The following SND1 variants were observed in gnomAD, a reference collection of about 807,000 sequenced individuals.
SND1 encodes staphylococcal nuclease and tudor domain containing 1, also known as staphylococcal nuclease domain-containing protein 1.
SND1 carries 38 observed loss-of-function variants against 121.7 expected under a neutral mutation model. The ratio of observed to expected loss-of-function variants is 0.31; its 90% confidence interval spans 0.24 to 0.41. The LOEUF is 0.41. SND1 is among the 10% of genes least tolerant of loss of function. The pLI, the probability that SND1 is intolerant of heterozygous loss-of-function variation, is 1.00. For missense variants in SND1, 868 were observed against 1,184.6 expected (o/e 0.73, Z 3.92); for synonymous variants, 401 against 447.4 (o/e 0.90, Z 1.31).
chr7:127,849,543 CTG>C (rs1799127789), intron 12 of SND1, among the ~76,000 whole-genome samples: 1 of 152,186 alleles, frequency 6.6e-6, no homozygotes, highest in Non-Finnish European at 1.5e-5. Flanking sequence ...CCATGGAAAA[CTG>C]TCACATATAC....
chr7:127,807,817 C>T (rs1221021493), intron 11 of SND1, among the ~76,000 whole-genome samples: 1 of 152,166 alleles, frequency 6.6e-6, no homozygotes, highest in Non-Finnish European at 1.5e-5. Context: ...GGTCCGGGCT[C>T]AACTCCAGTT....
intron 1 of SND1, among the ~76,000 whole-genome samples, chr7:127,680,086 T>C (rs1795690302): frequency 6.6e-6 from 1 of 152,154 alleles, no homozygotes; most frequent in African/African-American, 2.4e-5. Context: ...AGACGTCACA[T>C]GTCGGTAGGT....
chr7:127,657,248 A>C (rs1795227753), intron 1 of SND1, among the ~76,000 whole-genome samples: 1 of 152,214 alleles, frequency 6.6e-6, no homozygotes, highest in African/African-American at 2.4e-5. Flanking sequence ...GACAATAAAG[A>C]AGTTAACAAG....
At chr7:127,805,125 A>G (rs1798210906) in intron 10 of SND1, among the ~76,000 whole-genome samples, 1 of 152,174 alleles carries the variant, frequency 6.6e-6, no homozygotes, top group Non-Finnish European at 1.5e-5. Context: ...ATCTATTTTT[A>G]TAAAATATCC....
intron 17 of SND1, among the ~76,000 whole-genome samples, chr7:128,079,145 T>C (rs990709456): frequency 2.2e-4 from 34 of 152,220 alleles, no homozygotes; most frequent in Admixed American, 6.5e-4. Context: ...TAGGAGTGAC[T>C]GGCTAAGTAG....
intron 16 of SND1, among the ~76,000 whole-genome samples, chr7:128,004,500 G>T (rs1391883481): frequency 1.3e-5 from 2 of 152,162 alleles, no homozygotes; most frequent in Non-Finnish European, 2.9e-5. Context: ...TTCCCCATTG[G>T]ACTAAACTTT....
intron 15 of SND1, among the ~76,000 whole-genome samples, chr7:127,957,229 C>A (rs1801614682): frequency 1.3e-5 from 2 of 152,182 alleles, no homozygotes; most frequent in Admixed American, 6.5e-5. Context: ...AACAAAATGA[C>A]AGTGTTAGCA....
intron 6 of SND1, 69 bp downstream of exon 6, chr7:127,702,595 T>G: frequency 7.8e-7 from 1 of 1,278,538 alleles, no homozygotes; most frequent in East Asian, 2.3e-5. Context: ...ATTCTTCTAC[T>G]TGGGGACTTC....
chr7:128,023,369 A>G (rs1331662976), intron 16 of SND1, among the ~76,000 whole-genome samples: 3 of 152,194 alleles, frequency 2.0e-5, no homozygotes, highest in South Asian at 2.1e-4. Flanking sequence ...TAATAAGGCT[A>G]TGACTGCTCT....
chr7:128,028,783 C>G, intron 16 of SND1: 2 of 1,614,098 alleles, frequency 1.2e-6, no homozygotes, highest in Non-Finnish European at 1.7e-6. Context: ...AGGCTGTTTT[C>G]TGTCCAGTGG....
At chr7:128,068,157 C>A (rs972823346) in intron 16 of SND1, among the ~76,000 whole-genome samples, 3 of 152,102 alleles carry the variant, frequency 2.0e-5, no homozygotes, top group Admixed American at 6.6e-5. Context: ...GCTAAATCAA[C>A]CCCCAGGGCA....
chr7:127,706,851 T>A (rs984223147), intron 8 of SND1, among the ~76,000 whole-genome samples: 4 of 152,206 alleles, frequency 2.6e-5, no homozygotes, highest in African/African-American at 4.8e-5. Context: ...TTTTAGTGCT[T>A]CTCTAAAACA....
At chr7:127,766,703 C>T (rs952435596) in intron 10 of SND1, among the ~76,000 whole-genome samples, 2 of 120,928 alleles carry the variant, frequency 1.7e-5, no homozygotes, top group South Asian at 2.8e-4. Flanking sequence ...ACCCAGGAGG[C>T]GGAGCTTGCA....
At chr7:127,899,372 G>C (rs993639303) in intron 13 of SND1, among the ~76,000 whole-genome samples, 1 of 152,012 alleles carries the variant, frequency 6.6e-6, no homozygotes, top group African/African-American at 2.4e-5. Flanking sequence ...ACTATTTTAC[G>C]ATTGTAGTGA....
At chr7:127,955,671 C>T (rs777212197) in intron 15 of SND1, among the ~76,000 whole-genome samples, 34 of 152,124 alleles carry the variant, frequency 2.2e-4, no homozygotes, top group Non-Finnish European at 4.7e-4. Flanking sequence ...ATCAGCAATC[C>T]TTGGGGTCTA....
chr7:127,875,778 A>G lies in SND1; in HGVS notation c.1344-12124A>G, dbSNP rs1213112041. ...CCTGTAGATGTTCATTATGTCTGAA[A>G]TATTCTTTTGAGTAAAAATGGATGA... On this transcript the variant is annotated intron_variant, in intron 12 of 23. Transcript: ENST00000354725. Among the ~76,000 whole-genome samples the G allele has an allele frequency of 3.3e-5, 5 of 152,146 alleles. No homozygotes were observed. In the South Asian group the frequency reaches 6.2e-4, roughly 19 times the overall value.
At chr7:127,917,064 A>G (rs377447027) in intron 14 of SND1, among the ~76,000 whole-genome samples, 15 of 152,360 alleles carry the variant, frequency 9.8e-5, no homozygotes, top group African/African-American at 3.6e-4. Context: ...AACTTATGTT[A>G]TCTTCACCAA....
intron 10 of SND1, among the ~76,000 whole-genome samples, chr7:127,790,193 C>T (rs148096443): frequency 3.3e-5 from 5 of 152,268 alleles, no homozygotes; most frequent in African/African-American, 1.2e-4. Flanking sequence ...TGTTTGGAGC[C>T]GCCCAGCATC....
At position 128,029,253 on chromosome 7, in the gene SND1, T is replaced by C; in HGVS notation, c.1779+38197T>C. On this transcript the variant is annotated intron_variant, in intron 16 of 23. Coordinates refer to ENST00000354725, the MANE Select transcript of SND1 (RefSeq NM_014390.4). The surrounding 1 kb of genome is among the most constrained non-coding windows in gnomAD (Gnocchi z 4.2). Reference sequence around the variant, plus strand: ...TCGCGTTGTGTCCTCAGGCGAGATCTCCGTGGTCTCCACTGTTACTGTGGT... The same window carrying C: ...TCGCGTTGTGTCCTCAGGCGAGATCCCCGTGGTCTCCACTGTTACTGTGGT... The C allele has an allele frequency of 6.2e-7, 1 of 1,614,128 alleles. No homozygotes were observed. The highest frequency in any genetic ancestry group is 8.5e-7 in the Non-Finnish European group (1 of 1,180,034).
Sources: allele counts gnomAD v4.1 joint callset (sites outside exome capture counted in the v4.1 genomes callset), GRCh38; gene constraint gnomAD v4.1.1; non-coding constraint Gnocchi (gnomAD v3.1); transcripts MANE v1.5; gene names NCBI Gene and HGNC (gene_info 2026-07-23, HGNC 2026-07-21).